PAPSS1: variants seen among roughly 807,000 people sequenced by gnomAD.
The protein encoded by PAPSS1 is 3'-phosphoadenosine 5'-phosphosulfate synthase 1, also known as bifunctional 3'-phosphoadenosine 5'-phosphosulfate synthase 1.
PAPSS1 carries 50 observed loss-of-function variants against 72.0 expected under a neutral mutation model. The observed-to-expected ratio is 0.69, with a 90% CI of 0.55 to 0.88. PAPSS1 has a LOEUF of 0.88. Ranked by LOEUF, PAPSS1 falls within the 40% of genes least tolerant of loss-of-function variation. PAPSS1 has a pLI of 0.00. For missense variants in PAPSS1, 657 were observed against 782.2 expected (o/e 0.84, Z 1.91); for synonymous variants, 261 against 263.6 (o/e 0.99, Z 0.09).
intron 1 of PAPSS1, among the ~76,000 whole-genome samples, chr4:107,707,510 C>T (rs1226756977): frequency 6.6e-6 from 1 of 152,170 alleles, no homozygotes; most frequent in Non-Finnish European, 1.5e-5. Context: ...GGGGGCCTGC[C>T]TTGCACTGAG....
intron 5 of PAPSS1, among the ~76,000 whole-genome samples, chr4:107,673,175 C>T (rs1317065432): frequency 1.3e-5 from 2 of 152,206 alleles, no homozygotes; most frequent in African/African-American, 4.8e-5. Flanking sequence ...CAAAGGAACG[C>T]AGCTCCTCAA....
At chr4:107,717,985 G>A (rs185392567) in intron 1 of PAPSS1, among the ~76,000 whole-genome samples, 60 of 152,304 alleles carry the variant, frequency 3.9e-4, no homozygotes, top group Admixed American at 7.8e-4. Flanking sequence ...TGCCAGGCAG[G>A]CTTCAAATCT....
chr4:107,637,736 C>T (rs1726427327), intron 10 of PAPSS1, among the ~76,000 whole-genome samples: 1 of 152,088 alleles, frequency 6.6e-6, no homozygotes, highest in Non-Finnish European at 1.5e-5. Flanking sequence ...GAACATCAGG[C>T]ACAGAAACTA....
intron 1 of PAPSS1, 91 bp downstream of exon 1, chr4:107,720,029 C>A: frequency 7.1e-6 from 11 of 1,559,928 alleles, no homozygotes; most frequent in South Asian, 3.5e-5. Context: ...AGGATGGATG[C>A]GGAGGAGGCG....
intron 1 of PAPSS1, among the ~76,000 whole-genome samples, chr4:107,704,521 C>T (rs111694543): frequency 1.3e-5 from 2 of 152,284 alleles, no homozygotes; most frequent in African/African-American, 4.8e-5. Flanking sequence ...GAAGTACATT[C>T]CTTCTTTTCC....
intron 11 of PAPSS1, among the ~76,000 whole-genome samples, chr4:107,617,196 T>A (rs1725846319): frequency 6.6e-6 from 1 of 151,362 alleles, no homozygotes; most frequent in Admixed American, 6.6e-5. Flanking sequence ...AGGGTTTATA[T>A]GAGTCTTCGG....
At chr4:107,720,064 G>A (rs960323877) in intron 1 of PAPSS1, 56 bp downstream of exon 1, 16 of 1,579,870 alleles carry the variant, frequency 1.0e-5, no homozygotes, top group African/African-American at 1.4e-5. Context: ...GCTCCGGAAC[G>A]AGCTGCTCCC....
At chr4:107,719,864 G>A in intron 1 of PAPSS1, 5 of 1,347,996 alleles carry the variant, frequency 3.7e-6, no homozygotes, top group Non-Finnish European at 4.7e-6. Flanking sequence ...CGCTGGGGAG[G>A]GGGGGCGTTC....
chr4:107,654,566 T>G, intron 8 of PAPSS1, 129 bp downstream of exon 8: 1 of 747,062 alleles, frequency 1.3e-6, no homozygotes, highest in African/African-American at 1.7e-5. Context: ...CACAATAATC[T>G]AAGGTCCAAT....
rs1264140655 is a variant in PAPSS1, at chr4:107,654,836, C to T, written c.960G>A (p.Leu320=). The change falls in exon 8 of 12, where the codon CTG becomes CTA. Residue 320 remains leucine, a synonymous_variant. Coordinates refer to ENST00000265174, the MANE Select transcript of PAPSS1 (RefSeq NM_005443.5). The part of the protein sequence containing the change: ...LTATHEDKER[L]DGCTAFALMY... ...TCAGAGCAAATGCTGTACAGCCGTC[C>T]AGCCTCTCTTTATCTTCATGAGTCG... 6.2e-7 allele frequency: 1 copy of T among 1,613,876 alleles called. No homozygotes were observed. The highest frequency in any genetic ancestry group is 8.5e-7 in the Non-Finnish European group (1 of 1,179,942).
chr4:107,704,561 G>A (rs1560591438), intron 1 of PAPSS1, among the ~76,000 whole-genome samples: 2 of 152,184 alleles, frequency 1.3e-5, no homozygotes, highest in African/African-American at 4.8e-5. Context: ...ATCATAAAAG[G>A]TTAATGAACT....
At chr4:107,713,776 A>C (rs923530754) in intron 1 of PAPSS1, among the ~76,000 whole-genome samples, 7 of 151,176 alleles carry the variant, frequency 4.6e-5, no homozygotes, top group African/African-American at 1.7e-4. Context: ...AAAAAAAGAA[A>C]AAAAAATATG....
At position 107,654,696 on chromosome 4, in the gene PAPSS1, T is replaced by C. The variant is rs1354597422; in HGVS notation, c.1100A>G (p.Lys367Arg). 1 of 1,611,816 alleles carries C rather than the reference T, an allele frequency of 6.2e-7. No individual in the cohort carries two copies. ...AATGCAGCGAGGTTTTTTCAGCACC[T>C]TAATATAGGGGTGGTTCTTGCATGT... The part of the protein sequence containing the change: ...GTTCKNHPYI[K>R]MVMEQGDWLI... The change falls in exon 8 of 12, where the codon AAG (lysine) becomes AGG (arginine). Residue 367 changes from lysine to arginine, a missense_variant and splice_region_variant. Physicochemically the swap from Lys to Arg is conservative, Grantham distance 26 (BLOSUM62 2). Coordinates refer to ENST00000265174, the MANE Select transcript of PAPSS1 (RefSeq NM_005443.5).
At chr4:107,686,009 T>C (rs1722774600) in intron 4 of PAPSS1, among the ~76,000 whole-genome samples, 1 of 152,226 alleles carries the variant, frequency 6.6e-6, no homozygotes, top group Non-Finnish European at 1.5e-5. Context: ...TGTTTTTGTT[T>C]TGTTTTTGCC....
chr4:107,701,144 A>G (rs1214887580), intron 2 of PAPSS1, 27 bp downstream of exon 2: 2 of 1,500,706 alleles, frequency 1.3e-6, no homozygotes, highest in Non-Finnish European at 1.9e-6. Context: ...CTTTTAAAAT[A>G]AACTGCTTTC....
In PAPSS1 at chr4:107,702,058, T is replaced by C. The variant is rs1247732274; in HGVS notation, c.61-773A>G. Among the ~76,000 whole-genome samples, 3 of 150,550 alleles carry C rather than the reference T, an allele frequency of 2.0e-5. No homozygotes were observed. The South Asian group carries it at 6.3e-4, about 31-fold the overall frequency. ...TCCTCCAAAGAAAACATACAAATGG[T>C]CAATAAGCCACATTATTTAAATAAT... On this transcript the variant is annotated intron_variant, in intron 1 of 11. Transcript: ENST00000265174.
At chr4:107,637,705 A>G (rs984944459) in intron 10 of PAPSS1, among the ~76,000 whole-genome samples, 3 of 152,238 alleles carry the variant, frequency 2.0e-5, no homozygotes, top group African/African-American at 7.2e-5. Context: ...CCAACTTTAT[A>G]TTCTCAAAGT....
At chr4:107,720,090 C>T (rs918631933) in intron 1 of PAPSS1, 30 bp downstream of exon 1, 7 of 1,596,316 alleles carry the variant, frequency 4.4e-6, no homozygotes, top group Non-Finnish European at 6.0e-6. Context: ...CCCTCCGCTC[C>T]TCGCCGTCTC....
intron 10 of PAPSS1, among the ~76,000 whole-genome samples, chr4:107,639,795 G>T (rs538768274): frequency 6.6e-6 from 1 of 152,218 alleles, no homozygotes; most frequent in East Asian, 1.9e-4. Context: ...TATCCTAACA[G>T]ACACCCTACT....
Sources: gnomAD v4.1 joint callset for allele counts (sites outside exome capture counted in the v4.1 genomes callset) on GRCh38, gnomAD v4.1.1 for gene constraint, MANE v1.5 for transcripts, NCBI Gene and HGNC (gene_info 2026-07-23, HGNC 2026-07-21) for gene names.